The following RFC2 variants were observed in gnomAD, a reference collection of about 807,000 sequenced individuals.
RFC2 encodes the protein replication factor C subunit 2, also known as A1 40 kDa subunit.
A neutral mutation model predicts 44.8 loss-of-function variants in RFC2; 34 were observed. The observed-to-expected ratio is 0.76, with a 90% CI of 0.58 to 1.01. RFC2 has a LOEUF of 1.01. Ranked by LOEUF, RFC2 falls within the 50% of genes least tolerant of loss-of-function variation. RFC2 has a pLI of 0.00. For missense variants in RFC2, 400 were observed against 453.6 expected (o/e 0.88, Z 1.07); for synonymous variants, 177 against 168.9 (o/e 1.05, Z -0.37).
At chr7:74,251,869 G>A (rs1786979054) in intron 2 of RFC2, among the ~76,000 whole-genome samples, 4 of 142,298 alleles carry the variant, frequency 2.8e-5, no homozygotes, top group African/African-American at 2.6e-5. Flanking sequence ...AGGCCGAGGT[G>A]GGCAGATCAC....
intron 1 of RFC2, among the ~76,000 whole-genome samples, chr7:74,252,988 A>G (rs532621494): frequency 6.6e-6 from 1 of 152,338 alleles, no homozygotes. Context: ...GTGCCATTTG[A>G]AAAGTTAAAG....
intron 5 of RFC2, among the ~76,000 whole-genome samples, chr7:74,245,059 G>A (rs1351652098): frequency 5.5e-5 from 8 of 144,366 alleles, no homozygotes; most frequent in South Asian, 4.4e-4. Context: ...ATGGAGTTTC[G>A]CTCTTGTTGC....
intron 3 of RFC2, 83 bp from the exon 4 acceptor site, chr7:74,249,201 ATC>A (rs1554720617): frequency 1.9e-6 from 3 of 1,599,724 alleles, no homozygotes; most frequent in Non-Finnish European, 2.5e-6. Flanking sequence ...TGCTGTTTGC[ATC>A]TCCGTCACCT....
chr7:74,232,842 G>A (rs1050025569), intron 10 of RFC2, among the ~76,000 whole-genome samples: 7 of 152,094 alleles, frequency 4.6e-5, no homozygotes, highest in Non-Finnish European at 7.4e-5. Context: ...TCCAGCCTGG[G>A]CAACAGAGCA....
At chr7:74,233,918 A>G (rs1802868007) in intron 10 of RFC2, 1 of 455,908 alleles carries the variant, frequency 2.2e-6, no homozygotes, top group Non-Finnish European at 4.4e-6. Context: ...ACATACACTT[A>G]TCATTTTCCC....
Position 74,235,603 on chromosome 7 carries a change from T to C in RFC2, c.883A>G (p.Ile295Val), listed in dbSNP as rs1554718164. 6.2e-7 allele frequency: 1 copy of C among 1,613,854 alleles called. No individual in the cohort carries two copies. The highest frequency in any genetic ancestry group is 8.5e-7 in the Non-Finnish European group (1 of 1,179,722). The change falls in exon 10 of 11, where the codon ATC (isoleucine) becomes GTC (valine). Residue 295 changes from isoleucine (I) to valine (V), a missense_variant. By Grantham distance (29) the Ile-to-Val change is conservative (BLOSUM62 3). Transcript: ENST00000055077. ...LWHLGYSPED[I>V]IGNIFRVCKT... The stretch of plus-strand genomic sequence containing the variant: ...CACACTCGAAAGATGTTGCCAATGA[T>C]ATCTTCTGGTGAGTAGCCCAGATGC...
At chr7:74,253,302 A>G (rs1787078884) in intron 1 of RFC2, among the ~76,000 whole-genome samples, 1 of 151,502 alleles carries the variant, frequency 6.6e-6, no homozygotes, top group Admixed American at 6.6e-5. Flanking sequence ...GTCACTACCA[A>G]CCTCAGGTGA....
At chr7:74,235,509 G>A (rs1554718133) in intron 10 of RFC2, 23 bp downstream of exon 10, 1 of 1,402,654 alleles carries the variant, frequency 7.1e-7, no homozygotes, top group Non-Finnish European at 1.0e-6. Flanking sequence ...TGAGGACAGA[G>A]GCATTTCTAC....
intron 6 of RFC2, among the ~76,000 whole-genome samples, chr7:74,241,399 A>G (rs1018241657): frequency 6.6e-6 from 1 of 152,250 alleles, no homozygotes; most frequent in Non-Finnish European, 1.5e-5. Flanking sequence ...TGCACAAATC[A>G]GTGCGATTTT....
Position 74,245,887 on chromosome 7 carries a change from C to T in RFC2, c.434+775G>A, listed in dbSNP as rs565364464. 1.4e-4 allele frequency among the ~76,000 whole-genome samples: 22 copies of T among 151,920 alleles called. No individual in the cohort carries two copies. The South Asian group carries it at 4.6e-3, about 32-fold the overall frequency. On this transcript the variant is annotated intron_variant, in intron 5 of 10. Coordinates refer to ENST00000055077, the MANE Select transcript of RFC2 (RefSeq NM_181471.3). Reference sequence around the variant, plus strand: ...ACCAGCCTGGCCAACATGGCGAAACCCCATCTCTACTAAAAATACAAAAAT... The same window carrying T: ...ACCAGCCTGGCCAACATGGCGAAACTCCATCTCTACTAAAAATACAAAAAT...
At position 74,238,633 on chromosome 7, in the gene RFC2, C is replaced by T. The variant is rs185296934; in HGVS notation, c.759+290G>A. Among the ~76,000 whole-genome samples the T allele has an allele frequency of 2.6e-5, 4 of 152,218 alleles. No individual in the cohort carries two copies. Among genetic ancestry groups the T allele is most frequent in the Admixed American group, 6.5e-5 (1 of 15,272 alleles). On this transcript the variant is annotated intron_variant, in intron 8 of 10. Coordinates refer to ENST00000055077, the MANE Select transcript of RFC2 (RefSeq NM_181471.3). This position sits in a 1 kb window ranked among gnomAD's most constrained non-coding sequence, Gnocchi z 4.0. ...GGTGAGAACCTCTGTGCAGGGAAGT[C>T]GCTGGGATCAAATAAGACACGTCAG...
At chr7:74,250,516 C>CCA (rs1786870165) in intron 2 of RFC2, among the ~76,000 whole-genome samples, 1 of 152,144 alleles carries the variant, frequency 6.6e-6, no homozygotes, top group African/African-American at 2.4e-5. Flanking sequence ...CCACCATGGA[C>CCA]TGTCTATGCC....
intron 6 of RFC2, among the ~76,000 whole-genome samples, chr7:74,241,741 C>T (rs1803340605): frequency 1.3e-5 from 2 of 152,214 alleles, no homozygotes; most frequent in South Asian, 4.1e-4. Context: ...GGGCAGACCA[C>T]TTGAGGCCAG....
rs537396738 is a variant in RFC2 at position 74,243,949 on chromosome 7, A to G, written c.435-703T>C. Reference sequence around the variant, plus strand: ...CATTGATAGTATATAAAAAGAGAAGAAAAAAAGCAAGTTATTAATGGCCAG... The same window carrying G: ...CATTGATAGTATATAAAAAGAGAAGGAAAAAAGCAAGTTATTAATGGCCAG... On this transcript the variant is annotated intron_variant, in intron 5 of 10. Coordinates refer to ENST00000055077, the MANE Select transcript of RFC2 (RefSeq NM_181471.3). 7.8e-4 allele frequency among the ~76,000 whole-genome samples: 119 copies of G among 151,676 alleles called. 1 individual carries two copies. Among genetic ancestry groups the G allele is most frequent in the Admixed American group, 2.2e-3 (34 of 15,172 alleles).
chr7:74,232,324 T>G (rs1802779271), intron 10 of RFC2, 108 bp from the exon 11 acceptor site: 1 of 655,670 alleles, frequency 1.5e-6, no homozygotes, highest in South Asian at 1.9e-5. Context: ...GAACTAATGG[T>G]TTTTTCAAAA....
intron 10 of RFC2, among the ~76,000 whole-genome samples, chr7:74,233,555 A>C (rs1470615362): frequency 6.6e-6 from 1 of 151,168 alleles, no homozygotes; most frequent in Non-Finnish European, 1.5e-5. Context: ...ATGAGATCTC[A>C]TCACATGCCT....
At chr7:74,246,490 T>C (rs1235700807) in intron 5 of RFC2, among the ~76,000 whole-genome samples, 172 bp downstream of exon 5, 1 of 151,704 alleles carries the variant, frequency 6.6e-6, no homozygotes, top group East Asian at 1.9e-4. Context: ...CTTAGACAAA[T>C]GTTTGTAAGT....
chr7:74,237,478 G>A, intron 8 of RFC2, 36 bp from the exon 9 acceptor site: 1 of 1,446,490 alleles, frequency 6.9e-7, no homozygotes, highest in Non-Finnish European at 9.5e-7. Context: ...TCAGGGGCTA[G>A]AAGGGACAAT....
intron 5 of RFC2, 100 bp downstream of exon 5, chr7:74,246,562 T>C: frequency 4.3e-6 from 3 of 693,748 alleles, no homozygotes; most frequent in South Asian, 3.7e-5. Context: ...GAAGATATGA[T>C]AAGCAAATCT....
Sources: allele counts gnomAD v4.1 joint callset (sites outside exome capture counted in the v4.1 genomes callset), GRCh38; gene constraint gnomAD v4.1.1; non-coding constraint Gnocchi (gnomAD v3.1); transcripts MANE v1.5; gene names NCBI Gene and HGNC (gene_info 2026-07-23, HGNC 2026-07-21).